Variants in SLC66A1 observed in about 807,000 individuals in gnomAD.
SLC66A1 encodes the protein solute carrier family 66 member 1, also known as lysosomal amino acid transporter 1 homolog.
A neutral mutation model predicts 33.0 loss-of-function variants in SLC66A1; 23 were observed. The observed-to-expected ratio is 0.70, with a 90% confidence interval of 0.50 to 0.99. The LOEUF is 0.99. Among genes scored for constraint, SLC66A1 ranks in the 50% least tolerant of loss-of-function variants. SLC66A1 has a pLI of 0.00. For synonymous variants in SLC66A1, 164 were observed against 175.5 expected (o/e 0.93, Z 0.52); for missense variants, 335 against 383.6 (o/e 0.87, Z 1.06).
At chr1:19,316,418 T>C (rs1301542707) in intron 1 of SLC66A1, among the ~76,000 whole-genome samples, 2 of 151,850 alleles carry the variant, frequency 1.3e-5, no homozygotes, top group African/African-American at 2.4e-5. Context: ...AGGGTTCAGC[T>C]CTGTCGCCCA....
chr1:19,327,710 A>C, intron 7 of SLC66A1: 1 of 573,614 alleles, frequency 1.7e-6, no homozygotes, highest in East Asian at 3.9e-5. Context: ...GAATTACTTC[A>C]TTGCAGTGGC....
At chr1:19,317,983 C>G (rs1055913489) in intron 2 of SLC66A1, 142 bp downstream of exon 2, 2 of 1,299,536 alleles carry the variant, frequency 1.5e-6, no homozygotes, top group African/African-American at 3.0e-5. Context: ...CGACAGGGAC[C>G]TGCACTGATT....
intron 1 of SLC66A1, among the ~76,000 whole-genome samples, chr1:19,316,421 G>C (rs1403269157): frequency 6.6e-6 from 1 of 151,084 alleles, no homozygotes; most frequent in Non-Finnish European, 1.5e-5. Context: ...GTTCAGCTCT[G>C]TCGCCCAGGC....
At chr1:19,318,401 A>G (rs966678133) in intron 2 of SLC66A1, among the ~76,000 whole-genome samples, 1 of 151,882 alleles carries the variant, frequency 6.6e-6, no homozygotes, top group Non-Finnish European at 1.5e-5. Flanking sequence ...GAGCATCTTG[A>G]CCTGGGCGTG....
downstream of SLC66A1, among the ~76,000 whole-genome samples, chr1:19,331,110 C>T (rs1334707691): frequency 6.6e-6 from 1 of 152,158 alleles, no homozygotes; most frequent in Non-Finnish European, 1.5e-5. Flanking sequence ...CTCCCGGGTT[C>T]GAGCGATTCT....
intron 3 of SLC66A1, among the ~76,000 whole-genome samples, 157 bp downstream of exon 3, chr1:19,324,919 C>T (rs143652869): frequency 7.3e-4 from 111 of 152,396 alleles, no homozygotes; most frequent in Admixed American, 4.2e-3. Flanking sequence ...GTCTGCCGAA[C>T]TGTGACTGTG....
chr1:19,317,797 C>T lies in SLC66A1; in HGVS notation c.120C>T (p.Gly40=), dbSNP rs752153043. The change falls in exon 2 of 8, where the codon GGC becomes GGT. Residue 40 remains glycine, a synonymous_variant. Transcript: ENST00000375153. ...AQDGWDEASV[G]LGLISILCFA... ...ACGGCTGGGACGAGGCCAGCGTGGG[C>T]CTGGGCTTGATCTCCATTCTCTGCT... 1.2e-6 allele frequency: 2 copies of T among 1,614,042 alleles called. No homozygotes were observed. Among genetic ancestry groups the T allele is most frequent in the Non-Finnish European group, 1.7e-6 (2 of 1,180,028 alleles).
intron 2 of SLC66A1, 83 bp from the exon 3 acceptor site, chr1:19,324,550 C>A: frequency 6.5e-7 from 1 of 1,530,734 alleles, no homozygotes. Flanking sequence ...CCATGGTCGT[C>A]TCCTCTGGGC....
At chr1:19,324,342 C>G (rs2093852144) in intron 2 of SLC66A1, among the ~76,000 whole-genome samples, 1 of 152,254 alleles carries the variant, frequency 6.6e-6, no homozygotes, top group South Asian at 2.1e-4. Flanking sequence ...CAGATCCCCA[C>G]TGGAGACCCC....
At chr1:19,325,470 C>T (rs200399804) in intron 3 of SLC66A1, 25 bp from the exon 4 acceptor site, 6 of 1,548,882 alleles carry the variant, frequency 3.9e-6, no homozygotes, top group East Asian at 2.2e-5. Flanking sequence ...TGCGCCAACC[C>T]CTGGGCCCCC....
At chr1:19,333,591 G>T (rs2093897694), downstream of SLC66A1, among the ~76,000 whole-genome samples, 1 of 152,154 alleles carries the variant, frequency 6.6e-6, no homozygotes, top group African/African-American at 2.4e-5. The surrounding 1 kb of genome is among the most constrained non-coding windows in gnomAD (Gnocchi z 4.2). Flanking sequence ...GCTGAATGAC[G>T]GGACCCCAGA....
rs74347523 is a variant in SLC66A1, at chr1:19,325,641, G to GT, written c.382+59_382+60insT. 5 of 1,058,830 alleles carry GT rather than the reference G, an allele frequency of 4.7e-6. No individual in the cohort carries two copies. In the African/African-American group the frequency reaches 4.8e-5, roughly 10 times the overall value. The allele number at this position is 1,058,830 out of a possible 1,614,324, so 65.6% of individuals were successfully genotyped here. On this transcript the variant is annotated intron_variant, in intron 4 of 7. Coordinates refer to ENST00000375153, the MANE Select transcript of SLC66A1 (RefSeq NM_001040125.2). ...TACCAGCAGCAGGGGGCAGTTGTGG[G>GT]GGGGGGCGCCTGGAGTGTGGGAGGA...
intron 1 of SLC66A1, among the ~76,000 whole-genome samples, chr1:19,314,297 C>A (rs1327664614): frequency 6.6e-6 from 1 of 152,196 alleles, no homozygotes; most frequent in African/African-American, 2.4e-5. Context: ...AACCAAGGTA[C>A]CTTCCTCAAG....
chr1:19,318,663 G>A (rs1035352040), intron 2 of SLC66A1, among the ~76,000 whole-genome samples: 2 of 151,990 alleles, frequency 1.3e-5, no homozygotes, highest in Non-Finnish European at 2.9e-5. Context: ...GGAAGGACCT[G>A]GAGGCCAGGC....
chr1:19,333,345 G>A (rs6426792), downstream of SLC66A1, among the ~76,000 whole-genome samples: 43,650 of 151,854 alleles, frequency 0.29, 6,605 homozygotes, highest in Non-Finnish European at 0.34. This position sits in a 1 kb window ranked among gnomAD's most constrained non-coding sequence, Gnocchi z 4.2. Context: ...CGCCCAGCTA[G>A]TTTTTGTATT....
intron 4 of SLC66A1, 134 bp downstream of exon 4, chr1:19,325,716 C>T (rs1395671820): frequency 1.3e-6 from 1 of 767,612 alleles, no homozygotes; most frequent in Non-Finnish European, 2.1e-6. Context: ...AAAGCCTTCC[C>T]CGGGCCTTAT....
At chr1:19,327,461 C>T (rs369296210) in intron 7 of SLC66A1, 49 bp downstream of exon 7, 41 of 1,556,630 alleles carry the variant, frequency 2.6e-5, no homozygotes, top group Non-Finnish European at 3.1e-5. Context: ...GGCAAGGAAG[C>T]TTCTGCCTGC....
Position 19,328,568 on chromosome 1 carries a change from C to A in SLC66A1, c.805-4C>A. 6.2e-7 allele frequency: 1 copy of A among 1,612,956 alleles called. No individual in the cohort carries two copies. Among genetic ancestry groups the A allele is most frequent in the Non-Finnish European group, 8.5e-7 (1 of 1,179,740 alleles). Reference sequence around the variant, plus strand: ...CAGCTTGGCCTTAACGGCGGCACCCCCAGATCTCCATCCAGTTCCTGGTGT... The same window carrying A: ...CAGCTTGGCCTTAACGGCGGCACCCACAGATCTCCATCCAGTTCCTGGTGT... On this transcript the variant is annotated splice_polypyrimidine_tract_variant and splice_region_variant and intron_variant, in intron 7 of 7. Transcript: ENST00000375153. The surrounding 1 kb of genome is among the most constrained non-coding windows in gnomAD (Gnocchi z 4.7).
At chr1:19,321,701 G>A (rs1172233250) in intron 2 of SLC66A1, among the ~76,000 whole-genome samples, 1 of 149,610 alleles carries the variant, frequency 6.7e-6, no homozygotes, top group Non-Finnish European at 1.5e-5. Flanking sequence ...TGAGTAGCTG[G>A]GATTACAAGC....
Sources: gnomAD v4.1 joint callset for allele counts (sites outside exome capture counted in the v4.1 genomes callset) on GRCh38, gnomAD v4.1.1 for gene constraint, Gnocchi (gnomAD v3.1) non-coding constraint, MANE v1.5 for transcripts, NCBI Gene and HGNC (gene_info 2026-07-23, HGNC 2026-07-21) for gene names.